TIAM2: variants seen among roughly 807,000 people sequenced by gnomAD.
TIAM2 encodes rho guanine nucleotide exchange factor TIAM2.
A neutral mutation model predicts 152.9 loss-of-function variants in TIAM2; 80 were observed. The observed-to-expected ratio is 0.52, with a 90% CI of 0.44 to 0.63. The LOEUF (loss-of-function observed/expected upper bound fraction) is 0.63. TIAM2 is among the 30% of genes least tolerant of loss of function. TIAM2 has a pLI of 0.00. For synonymous variants in TIAM2, 804 were observed against 838.0 expected (o/e 0.96, Z 0.70); for missense variants, 1,965 against 2,120.1 (o/e 0.93, Z 1.44).
intron 9 of TIAM2, among the ~76,000 whole-genome samples, chr6:155,166,806 T>A (rs995581277): frequency 6.6e-6 from 1 of 152,240 alleles, no homozygotes; most frequent in Non-Finnish European, 1.5e-5. Flanking sequence ...GATTATTCTG[T>A]TTCAAAGCTG....
At chr6:155,245,759 T>TTTTTTTTTTTTTTTG in intron 19 of TIAM2, 28 bp downstream of exon 19, 1 of 1,441,466 alleles carries the variant, frequency 6.9e-7, no homozygotes. Flanking sequence ...TTTATAGTTT[T>TTTTTTTTTTTTTTTG]TTTTTTTTTT....
chr6:155,150,764 T>C lies in TIAM2; in HGVS notation c.2028+2430T>C, dbSNP rs926099829. ...CTTTCTGGTTTCTAGAAGCATCTTC[T>C]TAACTGTATTCTAGCATGACATGAG... On this transcript the variant is annotated intron_variant, in intron 7 of 26. Transcript: ENST00000682666. 1.5e-4 allele frequency among the ~76,000 whole-genome samples: 18 copies of C among 116,160 alleles called. No homozygotes were observed. The Admixed American group carries it at 1.6e-3, about 10-fold the overall frequency. The allele number at this position is 116,160 out of a possible 152,430, so 76.2% of individuals were successfully genotyped here. A position where few individuals can be genotyped will look rare whatever the true frequency, so the allele number is the denominator to read the frequency against.
At chr6:155,108,852 C>A (rs1350727026) in intron 2 of TIAM2, among the ~76,000 whole-genome samples, 1 of 152,128 alleles carries the variant, frequency 6.6e-6, no homozygotes, top group African/African-American at 2.4e-5. Flanking sequence ...GAATAAAAAA[C>A]CACAAAGCGT....
At chr6:155,221,358 T>G (rs1247842734) in intron 15 of TIAM2, among the ~76,000 whole-genome samples, 1 of 152,078 alleles carries the variant, frequency 6.6e-6, no homozygotes, top group Non-Finnish European at 1.5e-5. Context: ...GCTGGGACAG[T>G]GATGCACAGG....
At chr6:155,155,039 G>A (rs962623645) in intron 7 of TIAM2, among the ~76,000 whole-genome samples, 1 of 152,114 alleles carries the variant, frequency 6.6e-6, no homozygotes, top group African/African-American at 2.4e-5. Context: ...TTTGTGAGGG[G>A]ATTTGAGGGA....
intron 15 of TIAM2, among the ~76,000 whole-genome samples, chr6:155,237,788 C>T (rs73579306): frequency 0.026 from 3,982 of 152,244 alleles, 182 homozygotes; most frequent in African/African-American, 0.091. Flanking sequence ...ATTCCCTGGG[C>T]GGAACACAGC....
chr6:155,166,217 A>G (rs1044542850), intron 9 of TIAM2, among the ~76,000 whole-genome samples: 1 of 152,084 alleles, frequency 6.6e-6, no homozygotes, highest in Non-Finnish European at 1.5e-5. Context: ...GGCCAGGACT[A>G]GTTTCTGCCT....
rs1483459552 is a variant in TIAM2 at position 155,090,335 on chromosome 6, G to T, written c.-162G>T. The T allele has an allele frequency of 6.6e-6, 1 of 152,218 alleles. No homozygotes were observed. The highest frequency in any genetic ancestry group is 2.4e-5 in the African/African-American group (1 of 41,452). The allele number at this position is 152,218 out of a possible 1,614,324, so 9.4% of individuals were successfully genotyped here. On this transcript the variant is annotated 5_prime_UTR_variant, in exon 2 of 27. Coordinates refer to ENST00000682666, the MANE Select transcript of TIAM2 (RefSeq NM_012454.4). ...GGATACCTTCAGCCAGCTCATTCTG[G>T]ATGAATGAATGATTACACTAAGTGT...
intron 18 of TIAM2, among the ~76,000 whole-genome samples, chr6:155,245,357 AT>A (rs1317693853): frequency 6.6e-6 from 1 of 152,150 alleles, no homozygotes; most frequent in Non-Finnish European, 1.5e-5. Context: ...TGTCAGCTGT[AT>A]TTTTGTAGAA....
rs779041113 is a variant in TIAM2, at chr6:155,250,896, C to T, written c.3952-17C>T. On this transcript the variant is annotated splice_polypyrimidine_tract_variant and intron_variant, in intron 21 of 26. Coordinates refer to ENST00000682666, the MANE Select transcript of TIAM2 (RefSeq NM_012454.4). ...GGGATTTCCGTATCTTCCTTACCTC[C>T]TGTTTTTACAATCTAGGTAACAGAA... 3.7e-6 allele frequency: 6 copies of T among 1,611,166 alleles called. No individual in the cohort carries two copies. The highest frequency in any genetic ancestry group is 5.1e-6 in the Non-Finnish European group (6 of 1,177,412).
chr6:155,083,120 G>A (rs1404059742), intron 1 of TIAM2, among the ~76,000 whole-genome samples: 1 of 152,034 alleles, frequency 6.6e-6, no homozygotes, highest in Admixed American at 6.6e-5. Context: ...GACCGAGACA[G>A]GTGGATCACC....
At chr6:155,118,252 C>G (rs963052694) in intron 2 of TIAM2, among the ~76,000 whole-genome samples, 64 of 152,230 alleles carry the variant, frequency 4.2e-4, no homozygotes, top group Non-Finnish European at 5.4e-4. Flanking sequence ...ACCTGCACCC[C>G]CTTCACACCT....
At chr6:155,006,955 T>C (rs1476924419) in intron 1 of TIAM2, among the ~76,000 whole-genome samples, 2 of 152,092 alleles carry the variant, frequency 1.3e-5, no homozygotes, top group African/African-American at 4.8e-5. Context: ...CCTCCCAAAG[T>C]GTTGGGATTA....
At position 155,156,234 on chromosome 6, in the gene TIAM2, G is replaced by A. The variant is rs1056357716; in HGVS notation, c.2028+7900G>A. On this transcript the variant is annotated intron_variant, in intron 7 of 26. Transcript: ENST00000682666. This position sits in a 1 kb window ranked among gnomAD's most constrained non-coding sequence, Gnocchi z 4.4. ...AATGCAGTGTGGTTTTAGGTAGGTG[G>A]TGAGAGGTAGACAGGGGAAGTAGGA... Among the ~76,000 whole-genome samples the A allele has an allele frequency of 7.9e-5, 12 of 152,154 alleles. No individual in the cohort carries two copies. The highest frequency in any genetic ancestry group is 7.9e-4 in the Admixed American group (12 of 15,272).
chr6:155,164,561 C>T lies in TIAM2; in HGVS notation c.2175C>T (p.Gly725=). 6.2e-7 allele frequency: 1 copy of T among 1,613,962 alleles called. No homozygotes were observed. The highest frequency in any genetic ancestry group is 8.5e-7 in the Non-Finnish European group (1 of 1,179,886). The stretch of plus-strand genomic sequence containing the variant: ...GCCGCCCCTCCAAGCTGGCCCTCGG[C>T]AGGCTGGGCATCTTGTCTGTTTCCT... ...AASRPSKLAL[G]RLGILSVSSF... Residue 725 remains glycine, a synonymous_variant, in exon 8 of 27, where the codon GGC becomes GGT. Coordinates refer to ENST00000682666, the MANE Select transcript of TIAM2 (RefSeq NM_012454.4).
At chr6:155,153,334 C>G (rs143293731) in intron 7 of TIAM2, among the ~76,000 whole-genome samples, 2 of 151,906 alleles carry the variant, frequency 1.3e-5, no homozygotes, top group Non-Finnish European at 2.9e-5. Flanking sequence ...TGTCCAGGCA[C>G]GGTGACTCAC....
intron 1 of TIAM2, among the ~76,000 whole-genome samples, chr6:155,024,416 AT>A (rs536310735): frequency 1.5e-4 from 22 of 149,358 alleles, no homozygotes; most frequent in East Asian, 3.9e-4. Flanking sequence ...GAAATTGTGC[AT>A]TTTTTTTTTC....
chr6:155,257,169 C>G lies in TIAM2; in HGVS notation c.*48C>G, dbSNP rs772673990. 4.2e-6 allele frequency: 5 copies of G among 1,196,648 alleles called. No homozygotes were observed. Among genetic ancestry groups the G allele is most frequent in the Non-Finnish European group, 5.9e-6 (5 of 848,404 alleles). 74.1% of individuals were successfully genotyped at this position (1,196,648 alleles called of 1,614,324 possible). Reference sequence around the variant, plus strand: ...TTAAATTCCTCATTTTACTTTTAAACTGGTGGTAAAGTGGAAATTGCAAAA... The same window carrying G: ...TTAAATTCCTCATTTTACTTTTAAAGTGGTGGTAAAGTGGAAATTGCAAAA... On this transcript the variant is annotated 3_prime_UTR_variant, in exon 27 of 27. Coordinates refer to ENST00000682666, the MANE Select transcript of TIAM2 (RefSeq NM_012454.4).
intron 15 of TIAM2, among the ~76,000 whole-genome samples, chr6:155,237,912 T>C (rs1490109967): frequency 1.3e-5 from 2 of 152,236 alleles, no homozygotes. Context: ...TTCATCATTG[T>C]CTTGGGGATT....
Sources: allele counts gnomAD v4.1 joint callset (sites outside exome capture counted in the v4.1 genomes callset), GRCh38; gene constraint gnomAD v4.1.1; non-coding constraint Gnocchi (gnomAD v3.1); transcripts MANE v1.5; gene names NCBI Gene and HGNC (gene_info 2026-07-23, HGNC 2026-07-21).